SPATA6: variants seen among roughly 807,000 people sequenced by gnomAD.
The protein encoded by SPATA6 is spermatogenesis-associated protein 6.
A neutral mutation model predicts 65.3 loss-of-function variants in SPATA6; 56 were observed. The observed-to-expected ratio is 0.86, with a 90% CI of 0.69 to 1.07. SPATA6 has a LOEUF of 1.07. Ranked by LOEUF, SPATA6 falls within the 50% of genes least tolerant of loss-of-function variation. The pLI, the probability that SPATA6 is intolerant of heterozygous loss-of-function variation, is 0.00. For missense variants in SPATA6, 590 were observed against 594.8 expected (o/e 0.99, Z 0.08); for synonymous variants, 199 against 213.2 (o/e 0.93, Z 0.58).
chr1:48,371,202 A>T (rs929491896), intron 9 of SPATA6, among the ~76,000 whole-genome samples: 1 of 152,154 alleles, frequency 6.6e-6, no homozygotes, highest in Non-Finnish European at 1.5e-5. Context: ...AAAAAAAATT[A>T]TCATCTCAAC....
chr1:48,373,511 G>A (rs1305131833), intron 9 of SPATA6, among the ~76,000 whole-genome samples: 3 of 152,270 alleles, frequency 2.0e-5, no homozygotes. Context: ...CTTCCAAACT[G>A]TTCCAACCTC....
At chr1:48,397,219 G>A (rs1000044276) in intron 7 of SPATA6, among the ~76,000 whole-genome samples, 1 of 151,684 alleles carries the variant, frequency 6.6e-6, no homozygotes, top group Non-Finnish European at 1.5e-5. Context: ...GGAATGCAGA[G>A]TGAATACTTA....
At chr1:48,377,451 C>A (rs976043837) in intron 9 of SPATA6, among the ~76,000 whole-genome samples, 2 of 152,120 alleles carry the variant, frequency 1.3e-5, no homozygotes, top group African/African-American at 4.8e-5. Flanking sequence ...CTCTTCCCTC[C>A]CCTTTTCATA....
the SPATA6 span, among the ~76,000 whole-genome samples, chr1:48,283,714 A>AAAGAAAGAAAGAAAGAAAGAAAGG: frequency 6.8e-6 from 1 of 145,996 alleles, no homozygotes; most frequent in African/African-American, 2.6e-5. Context: ...AGAAAGAAAG[A>AAAGAAAGAAAGAAAGAAAGAAAGG]AAGAAAGAAA....
chr1:48,468,498 C>T (rs1657976845), intron 1 of SPATA6, among the ~76,000 whole-genome samples: 1 of 152,160 alleles, frequency 6.6e-6, no homozygotes, highest in Non-Finnish European at 1.5e-5. Context: ...GGTATGTACA[C>T]TGTGAAATGA....
intron 9 of SPATA6, among the ~76,000 whole-genome samples, chr1:48,364,828 T>A (rs1232146971): frequency 6.6e-6 from 1 of 152,340 alleles, no homozygotes; most frequent in African/African-American, 2.4e-5. Flanking sequence ...CAATTGTGGC[T>A]TTTGTTGCCA....
chr1:48,414,413 C>CT (rs1459694461), intron 3 of SPATA6, among the ~76,000 whole-genome samples: 1 of 152,168 alleles, frequency 6.6e-6, no homozygotes, highest in Non-Finnish European at 1.5e-5. Flanking sequence ...CCTAACCTAT[C>CT]TGAGAGAAAG....
At chr1:48,375,618 A>C (rs1647801467) in intron 9 of SPATA6, among the ~76,000 whole-genome samples, 1 of 152,164 alleles carries the variant, frequency 6.6e-6, no homozygotes, top group South Asian at 2.1e-4. Flanking sequence ...AAATCTGTCC[A>C]GTCTTCAATT....
intron 3 of SPATA6, among the ~76,000 whole-genome samples, chr1:48,424,804 A>G (rs1035319713): frequency 2.0e-5 from 3 of 152,174 alleles, no homozygotes. Context: ...AAAAATGTCT[A>G]TTCAATCTTT....
intron 11 of SPATA6, among the ~76,000 whole-genome samples, chr1:48,307,131 T>C (rs142468381): frequency 1.0e-3 from 158 of 151,648 alleles, no homozygotes; most frequent in African/African-American, 3.7e-3. Context: ...TAATTGCCTG[T>C]AGTGAGTGTG....
At position 48,356,463 on chromosome 1, in the gene SPATA6, C is replaced by T. The variant is rs140211654; in HGVS notation, c.1095-694G>A. ...TTATAATGAAATAGGTAAAATGTTG[C>T]TATGTTGCTGAAAACTTTGCCTTGT... On this transcript the variant is annotated intron_variant, in intron 10 of 12. Transcript: ENST00000371847. Among the ~76,000 whole-genome samples the T allele has an allele frequency of 5.4e-4, 81 of 149,182 alleles. 2 individuals carry two copies. In the East Asian group the frequency reaches 0.015, roughly 28 times the overall value.
intron 11 of SPATA6, among the ~76,000 whole-genome samples, chr1:48,352,418 T>A (rs551876404): frequency 1.6e-4 from 24 of 152,156 alleles, no homozygotes; most frequent in Non-Finnish European, 2.6e-4. Context: ...CAAAACCTCA[T>A]GAAAAGCTTT....
chr1:48,280,848 C>T, the SPATA6 span, among the ~76,000 whole-genome samples: 3 of 152,178 alleles, frequency 2.0e-5, no homozygotes, highest in African/African-American at 7.2e-5. Flanking sequence ...CCAGCATCAT[C>T]CTGATACCAA....
At chr1:48,364,348 C>A (rs1646924156) in intron 9 of SPATA6, among the ~76,000 whole-genome samples, 1 of 152,216 alleles carries the variant, frequency 6.6e-6, no homozygotes, top group Non-Finnish European at 1.5e-5. Flanking sequence ...AATGGTACTT[C>A]TAGTTCTAGA....
chr1:48,442,498 G>A (rs902775980), intron 3 of SPATA6, among the ~76,000 whole-genome samples: 1 of 151,816 alleles, frequency 6.6e-6, no homozygotes, highest in Non-Finnish European at 1.5e-5. Context: ...GCGGCTGGCA[G>A]AGGCAGGGAA....
intron 11 of SPATA6, among the ~76,000 whole-genome samples, chr1:48,315,008 T>C (rs1169472444): frequency 6.6e-6 from 1 of 152,152 alleles, no homozygotes; most frequent in Non-Finnish European, 1.5e-5. Flanking sequence ...GCTGAATCTC[T>C]GAATAGACCA....
intron 11 of SPATA6, among the ~76,000 whole-genome samples, chr1:48,345,821 C>T (rs565909780): frequency 2.2e-4 from 34 of 152,032 alleles, no homozygotes; most frequent in Non-Finnish European, 4.0e-4. Flanking sequence ...AGACCAATGA[C>T]ATGTTCTGAA....
intron 1 of SPATA6, among the ~76,000 whole-genome samples, chr1:48,463,818 T>C (rs1031069061): frequency 6.6e-6 from 1 of 152,010 alleles, no homozygotes; most frequent in Non-Finnish European, 1.5e-5. Context: ...AAAATCTCTC[T>C]ACAAATACAA....
At chr1:48,438,455 C>G (rs1034867032) in intron 3 of SPATA6, among the ~76,000 whole-genome samples, 7 of 152,176 alleles carry the variant, frequency 4.6e-5, no homozygotes, top group African/African-American at 1.7e-4. Flanking sequence ...TTTCTAACAA[C>G]CCCCAACTCT....
Sources: allele counts gnomAD v4.1 joint callset (sites outside exome capture counted in the v4.1 genomes callset), GRCh38; gene constraint gnomAD v4.1.1; transcripts MANE v1.5; gene names NCBI Gene and HGNC (gene_info 2026-07-23, HGNC 2026-07-21).